OR2L5: variants seen among roughly 807,000 people sequenced by gnomAD.
OR2L5 encodes the protein olfactory receptor 2L5.
For missense variants in OR2L5, 413 were observed against 381.6 expected, an observed-to-expected ratio of 1.08 and a Z score of -0.69; for synonymous variants, 169 against 142.0, an observed-to-expected ratio of 1.19 and a Z score of -1.35.
At chr1:248,017,855 G>T (rs183255866) in intron 1 of OR2L5, among the ~76,000 whole-genome samples, 1 of 152,286 alleles carries the variant, frequency 6.6e-6, no homozygotes, top group East Asian at 1.9e-4. Flanking sequence ...TGTAGAATGT[G>T]TCTGGTGGGT....
chr1:248,017,832 T>A (rs2103074653), intron 1 of OR2L5, among the ~76,000 whole-genome samples: 1 of 152,288 alleles, frequency 6.6e-6, no homozygotes, highest in South Asian at 2.1e-4. Flanking sequence ...CACAATGTCA[T>A]ACAAACTTGC....
intron 1 of OR2L5, among the ~76,000 whole-genome samples, chr1:248,015,501 A>G (rs933303855): frequency 1.3e-5 from 2 of 152,180 alleles, no homozygotes; most frequent in African/African-American, 4.8e-5. Context: ...TACGAAGTCA[A>G]TGACTTCACA....
intron 1 of OR2L5, among the ~76,000 whole-genome samples, chr1:248,016,464 C>T (rs1206692276): frequency 6.6e-6 from 1 of 152,002 alleles, no homozygotes; most frequent in Admixed American, 6.6e-5. Flanking sequence ...AACCAGATAA[C>T]ATGAGGAAAC....
rs1474003182 is a variant in OR2L5 at position 248,022,009 on chromosome 1, A to G, written c.62A>G (p.Lys21Arg). 1.2e-6 allele frequency: 2 copies of G among 1,613,946 alleles called. No homozygotes were observed. Among genetic ancestry groups the G allele is most frequent in the Admixed American group, 1.7e-5 (1 of 59,996 alleles). ...FILLGLFPPS[K>R]IGLFLFILFV... The stretch of plus-strand genomic sequence containing the variant: ...TTATTGGGGCTGTTCCCACCATCAA[A>G]AATTGGCCTTTTCCTCTTCATTCTC... Residue 21 changes from lysine to arginine, a missense_variant, in exon 2 of 2, where the codon AAA becomes AGA. Lys to Arg is a conservative substitution (Grantham distance 26, BLOSUM62 2). Transcript: ENST00000355281.
intron 1 of OR2L5, among the ~76,000 whole-genome samples, chr1:248,019,590 A>T (rs1251446002): frequency 6.6e-6 from 1 of 152,204 alleles, no homozygotes; most frequent in East Asian, 1.9e-4. Flanking sequence ...GAATGTAGTT[A>T]TCCAGTTTTT....
intron 1 of OR2L5, among the ~76,000 whole-genome samples, chr1:248,021,327 A>G (rs1320506257): frequency 2.0e-5 from 3 of 152,226 alleles, no homozygotes; most frequent in Non-Finnish European, 4.4e-5. Context: ...TCTAAGAGTT[A>G]TAAAGTTGTA....
Position 248,022,892 on chromosome 1 carries a change from C to A in OR2L5, c.*6C>A, listed in dbSNP as rs185180614. On this transcript the variant is annotated 3_prime_UTR_variant, in exon 2 of 2. Transcript: ENST00000355281. ...TCTTCTCGGTGAAAATGTAGACATA[C>A]GTTCTGTGTTAGAGTCAAAGCGCTA... 8.1e-6 allele frequency: 13 copies of A among 1,596,010 alleles called. No individual in the cohort carries two copies. Among genetic ancestry groups the A allele is most frequent in the Non-Finnish European group, 1.1e-5 (13 of 1,171,664 alleles).
chr1:248,022,628 G>A lies in OR2L5; in HGVS notation c.681G>A (p.Met227Ile). ...GGGTTCTCCTTGCTGTCTACCGCAT[G>A]CACTCTGCAGAAGGGAGGAAAAAGG... Reference protein sequence around the residue: ...YGWVLLAVYRMHSAEGRKKAY... With the variant: ...YGWVLLAVYRIHSAEGRKKAY... Residue 227 changes from methionine to isoleucine, a missense_variant, in exon 2 of 2, where the codon ATG becomes ATA. By Grantham distance (10) the Met-to-Ile change is conservative (BLOSUM62 1). Coordinates refer to ENST00000355281, the MANE Select transcript of OR2L5 (RefSeq NM_001258284.2). The A allele has an allele frequency of 6.2e-7, 1 of 1,614,106 alleles. No homozygotes were observed. The highest frequency in any genetic ancestry group is 8.5e-7 in the Non-Finnish European group (1 of 1,180,004).
At chr1:248,017,091 T>C (rs1662217886) in intron 1 of OR2L5, among the ~76,000 whole-genome samples, 1 of 152,214 alleles carries the variant, frequency 6.6e-6, no homozygotes, top group Non-Finnish European at 1.5e-5. Context: ...ATCGGAATCT[T>C]TTCTCCTTGC....
intron 1 of OR2L5, among the ~76,000 whole-genome samples, chr1:248,017,033 T>A (rs1158262846): frequency 6.6e-6 from 1 of 152,226 alleles, no homozygotes; most frequent in Non-Finnish European, 1.5e-5. Context: ...TCATGTATGA[T>A]GCCTCCCGGG....
At chr1:248,016,758 G>A (rs1422636610) in intron 1 of OR2L5, among the ~76,000 whole-genome samples, 1 of 151,642 alleles carries the variant, frequency 6.6e-6, no homozygotes. Flanking sequence ...TGTTTTCATA[G>A]ATATGTATGT....
chr1:248,016,201 AG>A (rs1662193353), intron 1 of OR2L5, among the ~76,000 whole-genome samples: 1 of 152,218 alleles, frequency 6.6e-6, no homozygotes, highest in African/African-American at 2.4e-5. Context: ...TGACTTCAAA[AG>A]ATAGTAATAT....
intron 1 of OR2L5, among the ~76,000 whole-genome samples, chr1:248,021,702 A>G (rs1409966986): frequency 2.0e-5 from 3 of 152,360 alleles, no homozygotes; most frequent in South Asian, 2.1e-4. Context: ...TTATTAGAGT[A>G]TATAGTTATA....
chr1:248,016,355 G>A (rs1044169477), intron 1 of OR2L5, among the ~76,000 whole-genome samples: 4 of 151,986 alleles, frequency 2.6e-5, no homozygotes, highest in African/African-American at 7.2e-5. Context: ...CTTTTATGTT[G>A]GGAACATGGT....
rs1662404662 is a variant in OR2L5, at chr1:248,023,692, G to A, written c.*806G>A. On this transcript the variant is annotated 3_prime_UTR_variant, in exon 2 of 2. Coordinates refer to ENST00000355281, the MANE Select transcript of OR2L5 (RefSeq NM_001258284.2). ...TATTTTTATACCTGCTTAGGCCTGT[G>A]CCTAGAAGGATCAACATTATTTTTA... The A allele has an allele frequency of 6.6e-6, 1 of 152,158 alleles. No homozygotes were observed. The highest frequency in any genetic ancestry group is 1.5e-5 in the Non-Finnish European group (1 of 68,032). The allele number at this position is 152,158 out of a possible 1,614,324, so 9.4% of individuals were successfully genotyped here. A position where few individuals can be genotyped will look rare whatever the true frequency, so the allele number is the denominator to read the frequency against.
At chr1:248,021,364 A>G (rs1474159154) in intron 1 of OR2L5, among the ~76,000 whole-genome samples, 4 of 152,228 alleles carry the variant, frequency 2.6e-5, no homozygotes, top group Non-Finnish European at 5.9e-5. Flanking sequence ...TAACTAAACT[A>G]AGGATTTTTA....
At position 248,022,946 on chromosome 1, in the gene OR2L5, A is replaced by C; in HGVS notation, c.*60A>C. 2.1e-6 allele frequency: 3 copies of C among 1,455,640 alleles called. No individual in the cohort carries two copies. Among genetic ancestry groups the C allele is most frequent in the Non-Finnish European group, 2.8e-6 (3 of 1,078,126 alleles). The allele number at this position is 1,455,640 out of a possible 1,614,324, so 90.2% of individuals were successfully genotyped here. On this transcript the variant is annotated 3_prime_UTR_variant, in exon 2 of 2. Transcript: ENST00000355281. ...TCATATCAACTCAGCAGTGTACAGC[A>C]GTGAAGAAAAACATTATTACATGCC...
chr1:248,016,893 G>C (rs909727413), intron 1 of OR2L5, among the ~76,000 whole-genome samples: 1 of 151,998 alleles, frequency 6.6e-6, no homozygotes, highest in Non-Finnish European at 1.5e-5. Context: ...ATAAAATGTC[G>C]GTGGTGATGT....
intron 1 of OR2L5, among the ~76,000 whole-genome samples, chr1:248,014,231 T>G (rs914483922): frequency 3.3e-5 from 5 of 152,096 alleles, no homozygotes; most frequent in Non-Finnish European, 7.4e-5. Flanking sequence ...AGGAAATATG[T>G]AGAAACAACT....
Sources: allele counts gnomAD v4.1 joint callset (sites outside exome capture counted in the v4.1 genomes callset), GRCh38; gene constraint gnomAD v4.1.1; transcripts MANE v1.5; gene names NCBI Gene and HGNC (gene_info 2026-07-23, HGNC 2026-07-21).